Variants in NCAM1 observed in about 807,000 individuals in gnomAD.
NCAM1 encodes antigen recognized by monoclonal antibody 5.1H11.
Under a neutral mutation model 109.8 loss-of-function variants are expected in NCAM1, and 14 were observed. The observed-to-expected ratio is 0.13, with a 90% confidence interval of 0.08 to 0.20. The LOEUF is 0.20. Among genes scored for constraint, NCAM1 ranks in the 10% least tolerant of loss-of-function variants. The pLI is 1.00. For missense variants in NCAM1, 774 were observed against 1,109.9 expected (o/e 0.70, Z 4.30); for synonymous variants, 418 against 442.9 (o/e 0.94, Z 0.70).
intron 1 of NCAM1, among the ~76,000 whole-genome samples, chr11:113,182,307 G>A (rs1943358190): frequency 6.6e-6 from 1 of 152,150 alleles, no homozygotes; most frequent in African/African-American, 2.4e-5. Flanking sequence ...AAGCACACCA[G>A]GGCCAGCTTG....
At chr11:113,197,934 T>A (rs1943905379) in intron 1 of NCAM1, among the ~76,000 whole-genome samples, 1 of 152,216 alleles carries the variant, frequency 6.6e-6, no homozygotes, top group African/African-American at 2.4e-5. Context: ...CTTTATAGCC[T>A]ACTTCTGCTA....
intron 1 of NCAM1, among the ~76,000 whole-genome samples, chr11:112,986,752 C>T (rs1399079390): frequency 2.0e-5 from 3 of 151,856 alleles, no homozygotes; most frequent in African/African-American, 7.2e-5. Context: ...TATGTCTCCT[C>T]TTTTATTTCT....
At chr11:113,262,911 CT>C (rs782634587) in intron 17 of NCAM1, 1 of 1,613,836 alleles carries the variant, frequency 6.2e-7, no homozygotes, top group Admixed American at 1.7e-5. Flanking sequence ...AGTGACTCTT[CT>C]TTTGCTCTGT....
chr11:113,210,357 G>A (rs1279104387), intron 7 of NCAM1, among the ~76,000 whole-genome samples: 1 of 152,144 alleles, frequency 6.6e-6, no homozygotes, highest in African/African-American at 2.4e-5. Flanking sequence ...ATCACAGAGG[G>A]ATGAGGTGCC....
At chr11:113,229,087 T>A (rs1342629361) in intron 9 of NCAM1, among the ~76,000 whole-genome samples, 3 of 151,978 alleles carry the variant, frequency 2.0e-5, no homozygotes, top group Admixed American at 6.6e-5. Context: ...ACAAATGGGA[T>A]ATAATTAAAC....
intron 1 of NCAM1, among the ~76,000 whole-genome samples, chr11:113,135,700 C>A (rs979014252): frequency 1.3e-4 from 20 of 152,216 alleles, no homozygotes; most frequent in Non-Finnish European, 2.2e-4. Flanking sequence ...GACTATGCAA[C>A]TGCCAGAGCC....
chr11:113,267,131 T>A (rs1356770829), intron 17 of NCAM1, among the ~76,000 whole-genome samples: 1 of 152,230 alleles, frequency 6.6e-6, no homozygotes, highest in Non-Finnish European at 1.5e-5. Flanking sequence ...TGGTGCCATA[T>A]ACAGTAAGAC....
chr11:113,252,910 C>G (rs909490990), intron 15 of NCAM1, among the ~76,000 whole-genome samples: 1 of 148,786 alleles, frequency 6.7e-6, no homozygotes, highest in South Asian at 2.2e-4. Flanking sequence ...CTCAGCCTCC[C>G]GAAGTCCTAG....
intron 1 of NCAM1, among the ~76,000 whole-genome samples, chr11:113,151,614 T>A (rs1555102467): frequency 6.6e-6 from 1 of 152,222 alleles, no homozygotes; most frequent in African/African-American, 2.4e-5. Context: ...CACTATTGCA[T>A]GAAGTTGAAA....
At chr11:113,215,651 T>G (rs994866748) in intron 8 of NCAM1, among the ~76,000 whole-genome samples, 1 of 152,244 alleles carries the variant, frequency 6.6e-6, no homozygotes, top group Non-Finnish European at 1.5e-5. Context: ...CCAAATAACC[T>G]ATTATTTTTT....
At chr11:112,965,011 C>T (rs548937930) in intron 1 of NCAM1, among the ~76,000 whole-genome samples, 13 of 152,154 alleles carry the variant, frequency 8.5e-5, no homozygotes, top group African/African-American at 2.6e-4. Context: ...GCTTTATGAA[C>T]GCCCTCTTTC....
intron 1 of NCAM1, among the ~76,000 whole-genome samples, chr11:113,193,505 G>A (rs781955113): frequency 3.3e-5 from 5 of 152,086 alleles, no homozygotes; most frequent in Non-Finnish European, 7.4e-5. Flanking sequence ...AATTAGCAGG[G>A]CATGCTAATT....
At chr11:113,170,109 C>G (rs911763663) in intron 1 of NCAM1, among the ~76,000 whole-genome samples, 3 of 152,012 alleles carry the variant, frequency 2.0e-5, no homozygotes, top group Non-Finnish European at 4.4e-5. Context: ...TGACAATTGC[C>G]AGATTATTGA....
At chr11:113,090,389 T>C (rs138136779) in intron 1 of NCAM1, among the ~76,000 whole-genome samples, 1 of 152,334 alleles carries the variant, frequency 6.6e-6, no homozygotes, top group East Asian at 1.9e-4. Context: ...GCATAGTTTA[T>C]GGAAAAGAAG....
chr11:113,275,388 T>C lies in NCAM1; in HGVS notation c.*1T>C. The C allele has an allele frequency of 2.5e-6, 4 of 1,612,040 alleles. No individual in the cohort carries two copies. The South Asian group carries it at 3.3e-5, about 13-fold the overall frequency. On this transcript the variant is annotated 3_prime_UTR_variant, in exon 20 of 20. Coordinates refer to ENST00000316851, the MANE Select transcript of NCAM1 (RefSeq NM_181351.5). ...AAAGGAGAACGAGAGCAAAGCATGA[T>C]GGGTGAAGAGAACCGAGCAAAGATC...
At chr11:113,260,355 G>GC in intron 17 of NCAM1, 32 bp downstream of exon 17, 1 of 1,600,640 alleles carries the variant, frequency 6.2e-7, no homozygotes, top group Non-Finnish European at 8.5e-7. Context: ...GTTTGTTTCC[G>GC]CTTTGAATTA....
intron 7 of NCAM1, among the ~76,000 whole-genome samples, chr11:113,209,789 T>G (rs782770020): frequency 5.9e-5 from 9 of 152,216 alleles, no homozygotes; most frequent in Non-Finnish European, 8.8e-5. Context: ...GACAACACAT[T>G]ATTATGGCTG....
At chr11:113,265,660 A>G (rs1243346420) in intron 17 of NCAM1, among the ~76,000 whole-genome samples, 5 of 152,206 alleles carry the variant, frequency 3.3e-5, no homozygotes, top group African/African-American at 4.8e-5. Context: ...CAAGCCCCTG[A>G]GACCAGCCAT....
At chr11:113,191,367 A>T (rs1478761375) in intron 1 of NCAM1, among the ~76,000 whole-genome samples, 1 of 152,218 alleles carries the variant, frequency 6.6e-6, no homozygotes, top group Admixed American at 6.5e-5. Flanking sequence ...CCTGGGCCTG[A>T]ATCATATAGC....
Sources: gnomAD v4.1 joint callset for allele counts (sites outside exome capture counted in the v4.1 genomes callset) on GRCh38, gnomAD v4.1.1 for gene constraint, MANE v1.5 for transcripts, NCBI Gene and HGNC (gene_info 2026-07-23, HGNC 2026-07-21) for gene names.